M1AP: variants seen among roughly 807,000 people sequenced by gnomAD.
The protein encoded by M1AP is meiosis 1 arrest protein.
M1AP carries 39 observed loss-of-function variants against 51.2 expected under a neutral mutation model. That is an observed-to-expected ratio of 0.76 (90% CI 0.59 to 1.00). M1AP has a LOEUF of 1.00. Ranked by LOEUF, M1AP falls within the 50% of genes least tolerant of loss-of-function variation. The probability of loss-of-function intolerance (pLI) is 0.00; values close to 1 mark genes in which losing one functional copy is unlikely to be tolerated. For synonymous variants in M1AP, 251 were observed against 249.2 expected (o/e 1.01, Z -0.07); for missense variants, 545 against 641.2 (o/e 0.85, Z 1.62).
At chr2:74,594,525 A>G (rs1368041651) in intron 4 of M1AP, among the ~76,000 whole-genome samples, 1 of 152,164 alleles carries the variant, frequency 6.6e-6, no homozygotes, top group East Asian at 1.9e-4. Flanking sequence ...AGAAAGAATG[A>G]GGCCGAAAAA....
chr2:74,561,217 A>AGGAGGAGGAGGAGG (rs1677970029), intron 8 of M1AP, among the ~76,000 whole-genome samples: 4 of 24,734 alleles, frequency 1.6e-4, no homozygotes, highest in Admixed American at 4.6e-4. Context: ...GGAGGAGGAG[A>AGGAGGAGGAGGAGG]AGGAGGAGGA....
intron 4 of M1AP, among the ~76,000 whole-genome samples, chr2:74,592,147 C>T (rs1207689747): frequency 1.3e-5 from 2 of 151,932 alleles, no homozygotes; most frequent in Non-Finnish European, 2.9e-5. Flanking sequence ...TGTATAATAG[C>T]TTTGCAACCG....
intron 6 of M1AP, 37 bp downstream of exon 6, chr2:74,576,419 C>T (rs755205766): frequency 6.2e-7 from 1 of 1,606,720 alleles, no homozygotes. Flanking sequence ...CTAAGAATAG[C>T]ATTTGCATGG....
chr2:74,569,583 C>A (rs1326717704), intron 7 of M1AP, among the ~76,000 whole-genome samples: 1 of 151,972 alleles, frequency 6.6e-6, no homozygotes, highest in Non-Finnish European at 1.5e-5. Context: ...CCATGTTGGC[C>A]AGGCTGGTCT....
chr2:74,581,630 G>C, intron 5 of M1AP, 44 bp downstream of exon 5: 1 of 1,582,156 alleles, frequency 6.3e-7, no homozygotes, highest in Non-Finnish European at 8.6e-7. Context: ...CCTGATCCCA[G>C]ATAAGAATAA....
chr2:74,644,495 G>A (rs1047442818), intron 1 of M1AP, among the ~76,000 whole-genome samples: 2 of 149,680 alleles, frequency 1.3e-5, no homozygotes, highest in East Asian at 1.9e-4. Context: ...CCAAGATCGC[G>A]CCATTGCACT....
intron 2 of M1AP, chr2:74,628,245 T>C (rs1682512233): frequency 4.2e-6 from 1 of 239,634 alleles, no homozygotes; most frequent in South Asian, 7.6e-5. Context: ...AGACATCAAA[T>C]AAGCTCCAAA....
At chr2:74,623,052 A>C (rs888771226) in intron 2 of M1AP, among the ~76,000 whole-genome samples, 2 of 152,094 alleles carry the variant, frequency 1.3e-5, no homozygotes, top group African/African-American at 4.8e-5. Context: ...AGATAATCAG[A>C]ATAATCTTAA....
At chr2:74,581,988 G>T in intron 4 of M1AP, 141 bp from the exon 5 acceptor site, 1 of 686,600 alleles carries the variant, frequency 1.5e-6, no homozygotes, top group Non-Finnish European at 2.4e-6. Context: ...CTATTCACAT[G>T]CACAATCATT....
At chr2:74,601,006 A>G (rs1680642894) in intron 4 of M1AP, among the ~76,000 whole-genome samples, 1 of 152,124 alleles carries the variant, frequency 6.6e-6, no homozygotes, top group Admixed American at 6.6e-5. Context: ...TGTGCCAGGC[A>G]CTGTTATAAG....
chr2:74,577,818 A>T (rs923412210), intron 5 of M1AP, among the ~76,000 whole-genome samples: 1 of 152,136 alleles, frequency 6.6e-6, no homozygotes. Context: ...TTAGGACTGG[A>T]CAGCTGTGTT....
chr2:74,565,087 G>A (rs1456300263), intron 7 of M1AP, among the ~76,000 whole-genome samples: 1 of 152,136 alleles, frequency 6.6e-6, no homozygotes, highest in Non-Finnish European at 1.5e-5. Context: ...GCCAGGCATG[G>A]TGGTGTATGC....
At chr2:74,587,868 A>G (rs1679807098) in intron 4 of M1AP, among the ~76,000 whole-genome samples, 1 of 152,242 alleles carries the variant, frequency 6.6e-6, no homozygotes, top group South Asian at 2.1e-4. Context: ...TCCTGCGGCC[A>G]CAATGGGAAA....
At chr2:74,641,727 C>T (rs1161466272) in intron 1 of M1AP, among the ~76,000 whole-genome samples, 3 of 151,438 alleles carry the variant, frequency 2.0e-5, no homozygotes, top group Admixed American at 6.6e-5. Context: ...CCACCTGCCT[C>T]GGCCTCCTGA....
chr2:74,573,595 C>T (rs140632503), intron 7 of M1AP, among the ~76,000 whole-genome samples: 30 of 152,228 alleles, frequency 2.0e-4, no homozygotes, highest in African/African-American at 6.7e-4. Context: ...TCAAGTGATC[C>T]ACCTGCCTTG....
intron 2 of M1AP, among the ~76,000 whole-genome samples, chr2:74,619,810 A>G (rs1275560164): frequency 1.3e-5 from 2 of 152,180 alleles, no homozygotes; most frequent in African/African-American, 2.4e-5. Flanking sequence ...CCCGAGACCA[A>G]TGCCTTGTAC....
intron 2 of M1AP, among the ~76,000 whole-genome samples, chr2:74,618,267 C>A (rs1409875728): frequency 6.6e-6 from 1 of 152,204 alleles, no homozygotes; most frequent in Non-Finnish European, 1.5e-5. Flanking sequence ...GGAGCTCCCA[C>A]CCCACATGCA....
chr2:74,612,116 C>T lies in M1AP; in HGVS notation c.426+2848G>A, dbSNP rs188812944. ...TCACCGTGTCCAGGATGGTCTCGAT[C>T]GCCTGACCTCGTGATCTACCCGCCT... On this transcript the variant is annotated intron_variant, in intron 3 of 10. Coordinates refer to ENST00000421985, the MANE Select transcript of M1AP (RefSeq NM_001321739.2). 2.9e-3 allele frequency among the ~76,000 whole-genome samples: 441 copies of T among 151,730 alleles called. 1 individual carries two copies. The highest frequency in any genetic ancestry group is 9.9e-3 in the African/African-American group (410 of 41,368).
intron 7 of M1AP, among the ~76,000 whole-genome samples, chr2:74,566,873 A>G (rs975554479): frequency 6.6e-6 from 1 of 152,192 alleles, no homozygotes; most frequent in Non-Finnish European, 1.5e-5. Context: ...TCTGTGGCCA[A>G]TTAGGGCAGA....
Sources: gnomAD v4.1 joint callset for allele counts (sites outside exome capture counted in the v4.1 genomes callset) on GRCh38, gnomAD v4.1.1 for gene constraint, MANE v1.5 for transcripts, NCBI Gene and HGNC (gene_info 2026-07-23, HGNC 2026-07-21) for gene names.